The following ZNF732 variants were observed in gnomAD, a reference collection of about 807,000 sequenced individuals.
ZNF732 encodes the protein zinc finger protein LOC654254.
In ZNF732, 12 loss-of-function variants were observed where a neutral mutation model predicts 11.5. The observed-to-expected ratio is 1.05, with a 90% CI of 0.67 to 1.70. ZNF732 has a LOEUF of 1.70. Among genes scored for constraint, ZNF732 ranks in the 40% most tolerant of loss-of-function variants. The pLI, the probability that ZNF732 is intolerant of heterozygous loss-of-function variation, is 0.00. For missense variants in ZNF732, 702 were observed against 676.9 expected (o/e 1.04, Z -0.41); for synonymous variants, 231 against 236.5 (o/e 0.98, Z 0.21).
rs1719347301 is a variant in ZNF732 at position 271,203 on chromosome 4, G to T, written c.1654C>A (p.His552Asn). ...CATTTGGGGGTTTTATCTCCAGTAT[G>T]AATTGTCTTATATTTATTCAGGACT... ...SRVLNKYKTI[H>N]TGDKTPKCKG... is the part of the protein sequence containing the mutation. Residue 552 changes from histidine (H) to asparagine (N), a missense_variant, in exon 4 of 4, where the codon CAT becomes AAT. Physicochemically the swap from His to Asn is moderately conservative, Grantham distance 68. This residue lies in a region of ZNF732 where 94 missense variants were observed against 87.5 expected (regional missense o/e 1.07). Coordinates refer to ENST00000419098, the MANE Select transcript of ZNF732 (RefSeq NM_001137608.3). 1 of 1,555,402 alleles carries T rather than the reference G, an allele frequency of 6.4e-7. No individual in the cohort carries two copies. Among genetic ancestry groups the T allele is most frequent in the African/African-American group, 1.4e-5 (1 of 73,072 alleles).
At chr4:278,582 A>G (rs1025696802) in intron 3 of ZNF732, among the ~76,000 whole-genome samples, 2 of 152,264 alleles carry the variant, frequency 1.3e-5, no homozygotes, top group African/African-American at 2.4e-5. Flanking sequence ...TTCTATTTCA[A>G]TCTATTCCTA....
chr4:300,470 A>AAAAG (rs1720093235), intron 1 of ZNF732, among the ~76,000 whole-genome samples: 1 of 149,476 alleles, frequency 6.7e-6, no homozygotes, highest in Non-Finnish European at 1.5e-5. Flanking sequence ...AAAAAAAAAA[A>AAAAG]AAAAGAAAAG....
intron 1 of ZNF732, among the ~76,000 whole-genome samples, chr4:300,110 A>G (rs1553843387): frequency 6.6e-6 from 1 of 151,974 alleles, no homozygotes; most frequent in African/African-American, 2.4e-5. Flanking sequence ...GACTGGCTAT[A>G]TACATTAACA....
At position 305,442 on chromosome 4, in the gene ZNF732, G is replaced by C; in HGVS notation, c.-132C>G. The C allele has an allele frequency of 2.3e-6, 3 of 1,310,764 alleles. No individual in the cohort carries two copies. Among genetic ancestry groups the C allele is most frequent in the African/African-American group, 1.5e-5 (1 of 67,718 alleles). 81.2% of individuals were successfully genotyped at this position (1,310,764 alleles called of 1,614,324 possible). On this transcript the variant is annotated 5_prime_UTR_variant, in exon 1 of 4. Coordinates refer to ENST00000419098, the MANE Select transcript of ZNF732 (RefSeq NM_001137608.3). ...TGAGGGGTGAAAGCACGGCCGTGGA[G>C]ACCCTAACCGAGCTCACGCTGGCGC...
At chr4:292,306 T>C (rs567511361) in intron 3 of ZNF732, among the ~76,000 whole-genome samples, 2 of 152,246 alleles carry the variant, frequency 1.3e-5, no homozygotes, top group African/African-American at 4.8e-5. Context: ...ATTTATCTGA[T>C]AAAAAATTTG....
chr4:275,833 CTT>C (rs1382929591), intron 3 of ZNF732, among the ~76,000 whole-genome samples: 1 of 151,624 alleles, frequency 6.6e-6, no homozygotes, highest in Non-Finnish European at 1.5e-5. Flanking sequence ...TATGAATCAA[CTT>C]ACACGAGATA....
chr4:272,287 AG>A lies in ZNF732; in HGVS notation c.569del (p.Ala190ValfsTer19), dbSNP rs782143774. 17 of 1,613,326 alleles carry A rather than the reference AG, an allele frequency of 1.1e-5. No individual in the cohort carries two copies. The African/African-American group carries it at 1.5e-4, about 14-fold the overall frequency. ...CTTCACATGTGTAGGGTTTCTCTCC[AG>A]CATGAATTCCTTGATGTTGAGTTAG... is the stretch of plus-strand genomic sequence containing the variant. ...SDLTQHQGIH[A>X]GEKPYTCEEC... On this transcript the variant is annotated frameshift_variant, in exon 4 of 4. Coordinates refer to ENST00000419098, the MANE Select transcript of ZNF732 (RefSeq NM_001137608.3). LOFTEE classifies it low-confidence loss of function (END_TRUNC).
At chr4:291,041 T>C (rs1408508216) in intron 3 of ZNF732, among the ~76,000 whole-genome samples, 4 of 152,168 alleles carry the variant, frequency 2.6e-5, no homozygotes, top group East Asian at 1.9e-4. Context: ...TATCTTAACA[T>C]ATTACCAAAT....
intron 2 of ZNF732, 136 bp downstream of exon 2, chr4:295,893 C>A: frequency 8.9e-7 from 1 of 1,126,012 alleles, no homozygotes; most frequent in Non-Finnish European, 1.2e-6. Context: ...TTTACACCAG[C>A]AAACTCCCAA....
At chr4:299,015 A>G (rs1473421215) in intron 1 of ZNF732, among the ~76,000 whole-genome samples, 1 of 152,134 alleles carries the variant, frequency 6.6e-6, no homozygotes, top group African/African-American at 2.4e-5. Flanking sequence ...CATGATGTAG[A>G]AAATGTCTTC....
rs556201367 is a variant in ZNF732 at position 287,340 on chromosome 4, G to A, written c.226+8098C>T. ...GGTGATTCTCCTGCCTCAGCCTCCCGAGTGGCTGGGATTAGAGGTGTGTGC... is the reference window on the plus strand; with the variant it reads ...GGTGATTCTCCTGCCTCAGCCTCCCAAGTGGCTGGGATTAGAGGTGTGTGC... On this transcript the variant is annotated intron_variant, in intron 3 of 3. Coordinates refer to ENST00000419098, the MANE Select transcript of ZNF732 (RefSeq NM_001137608.3). Among the ~76,000 whole-genome samples the A allele has an allele frequency of 2.3e-4, 35 of 151,288 alleles. No individual in the cohort carries two copies. The South Asian group carries it at 3.1e-3, about 14-fold the overall frequency.
chr4:301,839 C>A (rs561051607), intron 1 of ZNF732, among the ~76,000 whole-genome samples: 1 of 152,218 alleles, frequency 6.6e-6, no homozygotes, highest in Non-Finnish European at 1.5e-5. Context: ...GCACGTTGTG[C>A]ACATGTACCC....
chr4:287,384 T>A (rs1305545790), intron 3 of ZNF732, among the ~76,000 whole-genome samples: 2 of 150,766 alleles, frequency 1.3e-5, no homozygotes, highest in Non-Finnish European at 3.0e-5. Flanking sequence ...CCAGCTAATT[T>A]TTGTATTTTT....
chr4:278,956 G>A (rs1348090433), intron 3 of ZNF732, among the ~76,000 whole-genome samples: 1 of 152,108 alleles, frequency 6.6e-6, no homozygotes, highest in Non-Finnish European at 1.5e-5. Context: ...CCTTCCCATT[G>A]CAATTTGCTT....
At chr4:288,379 C>G (rs1291614011) in intron 3 of ZNF732, among the ~76,000 whole-genome samples, 1 of 152,150 alleles carries the variant, frequency 6.6e-6, no homozygotes, top group African/African-American at 2.4e-5. Context: ...AGTTATAATT[C>G]TTACATTTCA....
At chr4:300,869 T>C (rs1275719472) in intron 1 of ZNF732, among the ~76,000 whole-genome samples, 6 of 152,046 alleles carry the variant, frequency 3.9e-5, no homozygotes, top group South Asian at 2.1e-4. Flanking sequence ...AATTGACAAA[T>C]GGGATCTAAT....
At chr4:284,072 G>C (rs758421147) in intron 3 of ZNF732, among the ~76,000 whole-genome samples, 2 of 151,836 alleles carry the variant, frequency 1.3e-5, no homozygotes, top group Non-Finnish European at 2.9e-5. Context: ...CACCACGCCC[G>C]GCTAATTTTT....
chr4:280,217 C>T (rs1719589852), intron 3 of ZNF732, among the ~76,000 whole-genome samples: 2 of 148,428 alleles, frequency 1.3e-5, no homozygotes, highest in Non-Finnish European at 3.0e-5. Context: ...CTTCAAACAA[C>T]TACAGTTTTC....
intron 3 of ZNF732, among the ~76,000 whole-genome samples, chr4:281,506 G>A (rs902687962): frequency 6.6e-6 from 1 of 152,220 alleles, no homozygotes; most frequent in East Asian, 1.9e-4. Context: ...CTCAGTGCCA[G>A]TCATATTGAT....
Sources: gnomAD v4.1 joint callset for allele counts (sites outside exome capture counted in the v4.1 genomes callset) on GRCh38, gnomAD v4.1.1 for gene constraint, gnomAD v4.1.1 regional missense constraint, MANE v1.5 for transcripts, NCBI Gene and HGNC (gene_info 2026-07-23, HGNC 2026-07-21) for gene names.